Variants in DCBLD2 observed in about 807,000 individuals in gnomAD.
The protein encoded by DCBLD2 is discoidin, CUB and LCCL domain containing 2.
A neutral mutation model predicts 86.8 loss-of-function variants in DCBLD2; 54 were observed. The observed-to-expected ratio is 0.62, with a 90% CI of 0.50 to 0.78. The LOEUF (loss-of-function observed/expected upper bound fraction) is 0.78, where lower values mean the gene tolerates loss of function less well. DCBLD2 is among the 30% of genes least tolerant of loss of function. DCBLD2 has a pLI of 0.00. For synonymous variants in DCBLD2, 354 were observed against 341.3 expected (o/e 1.04, Z -0.41); for missense variants, 908 against 954.2 (o/e 0.95, Z 0.64).
intron 1 of DCBLD2, among the ~76,000 whole-genome samples, chr3:98,900,538 T>C (rs991981525): frequency 6.6e-6 from 1 of 152,160 alleles, no homozygotes; most frequent in Non-Finnish European, 1.5e-5. Context: ...AGAGCTTCAC[T>C]TGGGCAAATT....
intron 1 of DCBLD2, among the ~76,000 whole-genome samples, chr3:98,886,864 G>A (rs1354731592): frequency 1.5e-5 from 2 of 129,544 alleles, no homozygotes; most frequent in East Asian, 2.4e-4. Context: ...AAAATTAAAC[G>A]TATTTAAATG....
intron 3 of DCBLD2, among the ~76,000 whole-genome samples, chr3:98,847,150 T>C (rs1236491369): frequency 1.3e-5 from 2 of 152,214 alleles, no homozygotes; most frequent in Non-Finnish European, 2.9e-5. Flanking sequence ...TGTATGCATG[T>C]GTACAGTGGT....
intron 2 of DCBLD2, among the ~76,000 whole-genome samples, chr3:98,881,224 A>G (rs1943463327): frequency 6.6e-6 from 1 of 151,006 alleles, no homozygotes; most frequent in Admixed American, 6.6e-5. Context: ...ATTGCCCTCC[A>G]GCCTGGGCTA....
intron 2 of DCBLD2, among the ~76,000 whole-genome samples, chr3:98,877,440 T>C (rs1378936015): frequency 6.6e-6 from 1 of 152,068 alleles, no homozygotes; most frequent in African/African-American, 2.4e-5. Flanking sequence ...ACATTACAGG[T>C]AATGGGAGCA....
intron 1 of DCBLD2, among the ~76,000 whole-genome samples, chr3:98,899,093 A>G (rs1193671612): frequency 6.6e-6 from 1 of 151,960 alleles, no homozygotes; most frequent in African/African-American, 2.4e-5. Flanking sequence ...AAAAAAAAAA[A>G]AAGTCTTTTA....
intron 1 of DCBLD2, among the ~76,000 whole-genome samples, chr3:98,899,073 T>C (rs1482236140): frequency 9.6e-6 from 1 of 104,396 alleles, no homozygotes; most frequent in Non-Finnish European, 2.0e-5. Context: ...CCAAGCAATT[T>C]AGAAGAACTA....
chr3:98,842,518 C>CTAGG (rs1942639444), intron 3 of DCBLD2, among the ~76,000 whole-genome samples: 1 of 152,184 alleles, frequency 6.6e-6, no homozygotes, highest in South Asian at 2.1e-4. Context: ...AGACACTATA[C>CTAGG]TAGGTATTTT....
At chr3:98,834,142 CTTTTT>C (rs10588325) in intron 3 of DCBLD2, among the ~76,000 whole-genome samples, 5 of 124,910 alleles carry the variant, frequency 4.0e-5, no homozygotes, top group African/African-American at 5.8e-5. Flanking sequence ...GAGTTGTTTT[CTTTTT>C]TTTTTTTTTT....
chr3:98,897,111 C>A (rs1416777924), intron 1 of DCBLD2, among the ~76,000 whole-genome samples: 1 of 152,088 alleles, frequency 6.6e-6, no homozygotes, highest in Non-Finnish European at 1.5e-5. Flanking sequence ...TTTACTTATG[C>A]CAATTCCACC....
chr3:98,876,545 C>T (rs1037336487), intron 2 of DCBLD2, among the ~76,000 whole-genome samples: 8 of 148,128 alleles, frequency 5.4e-5, no homozygotes, highest in Non-Finnish European at 6.0e-5. Flanking sequence ...ATTGGCAAAA[C>T]TTAAAAGATA....
rs904413984 is a variant in DCBLD2, at chr3:98,799,672, C to A, written c.2028G>T (p.Glu676Asp). Residue 676 changes from glutamate (E) to aspartate (D), a missense_variant, in exon 16 of 16, where the codon GAG becomes GAT. This residue lies in a region of DCBLD2 where 606 missense variants were observed against 678.5 expected (regional missense o/e 0.89). Coordinates refer to ENST00000326840, the MANE Select transcript of DCBLD2 (RefSeq NM_080927.4). ...TGTCCATGATGATTGGGGTTGCATA[C>A]TCAGGCCCCGTAATTGGGAGTGGTT... is the stretch of plus-strand genomic sequence containing the variant. ...YAEPLPITGPEYATPIIMDMS... is the reference protein window; with the variant it reads ...YAEPLPITGPDYATPIIMDMS... 2.5e-6 allele frequency: 4 copies of A among 1,613,980 alleles called. 1 individual carries two copies. Among genetic ancestry groups the A allele is most frequent in the Non-Finnish European group, 3.4e-6 (4 of 1,179,892 alleles).
At chr3:98,823,996 G>A (rs1175334770) in intron 4 of DCBLD2, among the ~76,000 whole-genome samples, 2 of 152,162 alleles carry the variant, frequency 1.3e-5, no homozygotes, top group African/African-American at 4.8e-5. Flanking sequence ...ATGCACATTA[G>A]TCAGAGGGAT....
At chr3:98,837,863 G>A (rs1942502542) in intron 3 of DCBLD2, among the ~76,000 whole-genome samples, 4 of 144,676 alleles carry the variant, frequency 2.8e-5, no homozygotes, top group East Asian at 2.2e-4. Flanking sequence ...CTGGCCATGC[G>A]GGGGGCTGAC....
chr3:98,871,765 G>A (rs942599621), intron 2 of DCBLD2, among the ~76,000 whole-genome samples: 2 of 152,068 alleles, frequency 1.3e-5, no homozygotes, highest in Admixed American at 6.6e-5. Flanking sequence ...CCTGGCTTTG[G>A]TATTAGGGTG....
At chr3:98,877,006 C>T (rs549358540) in intron 2 of DCBLD2, among the ~76,000 whole-genome samples, 1 of 152,170 alleles carries the variant, frequency 6.6e-6, no homozygotes, top group South Asian at 2.1e-4. Context: ...AAAGATAAAA[C>T]AAACACTAAT....
rs939192672 is a variant in DCBLD2, at chr3:98,849,104, G to A, written c.571+357C>T. ...GAATTGCTTGAACCCGGGAGGTGGA[G>A]ATTGCGGTGAGCCGAGATCACACCA... is the stretch of plus-strand genomic sequence containing the variant. On this transcript the variant is annotated intron_variant, in intron 3 of 15. Transcript: ENST00000326840. Among the ~76,000 whole-genome samples, 4 of 150,624 alleles carry A rather than the reference G, an allele frequency of 2.7e-5. No individual in the cohort carries two copies. In the East Asian group the frequency reaches 7.8e-4, roughly 29 times the overall value.
At chr3:98,839,584 T>C (rs575933154) in intron 3 of DCBLD2, among the ~76,000 whole-genome samples, 112 of 152,314 alleles carry the variant, frequency 7.4e-4, no homozygotes, top group African/African-American at 2.4e-3. Context: ...AAATAAAGCC[T>C]AGTAAAAGAG....
At position 98,878,771 on chromosome 3, in the gene DCBLD2, T is replaced by C. The variant is rs567110551; in HGVS notation, c.433+2769A>G. ...CAGGAACCATCATCACTCAGGCCCC[T>C]TGACCTTTCTGCAGCTTTCCATTCA... On this transcript the variant is annotated intron_variant, in intron 2 of 15. Transcript: ENST00000326840. Among the ~76,000 whole-genome samples the C allele has an allele frequency of 2.6e-5, 4 of 152,284 alleles. No individual in the cohort carries two copies. In the East Asian group the frequency reaches 7.7e-4, roughly 29 times the overall value.
chr3:98,876,032 T>TA (rs1399017015), intron 2 of DCBLD2, among the ~76,000 whole-genome samples: 10 of 151,986 alleles, frequency 6.6e-5, no homozygotes, highest in Non-Finnish European at 1.2e-4. Context: ...AGATGCAATT[T>TA]AAAAAAAGAC....
Sources: gnomAD v4.1 joint callset for allele counts (sites outside exome capture counted in the v4.1 genomes callset) on GRCh38, gnomAD v4.1.1 for gene constraint, gnomAD v4.1.1 regional missense constraint, MANE v1.5 for transcripts, NCBI Gene and HGNC (gene_info 2026-07-23, HGNC 2026-07-21) for gene names.